Variants in BMERB1 observed in about 807,000 individuals in gnomAD.
BMERB1 encodes bMERB domain-containing protein 1.
A neutral mutation model predicts 23.6 loss-of-function variants in BMERB1; 12 were observed. That is an observed-to-expected ratio of 0.51 (90% CI 0.33 to 0.82). The LOEUF (loss-of-function observed/expected upper bound fraction) is 0.82. BMERB1 is among the 40% of genes least tolerant of loss of function. The pLI is 0.03. For missense variants in BMERB1, 247 were observed against 255.4 expected (o/e 0.97, Z 0.22); for synonymous variants, 122 against 96.6 (o/e 1.26, Z -1.54).
intron 1 of BMERB1, among the ~76,000 whole-genome samples, chr16:15,498,272 C>T (rs1007500514): frequency 6.6e-6 from 1 of 152,010 alleles, no homozygotes; most frequent in South Asian, 2.1e-4. Flanking sequence ...TGCAGTGGCT[C>T]ATGCTTGTAA....
In BMERB1 at chr16:15,494,570, C is replaced by T. The variant is rs187730489; in HGVS notation, c.107-20735C>T. ...AAGTCCCACCTGGGAACTGCAGTCC[C>T]AATCTGTGGCAAAGTCTTGTGAATA... On this transcript the variant is annotated intron_variant, in intron 1 of 5. Coordinates refer to ENST00000300006, the MANE Select transcript of BMERB1 (RefSeq NM_033201.3). Among the ~76,000 whole-genome samples, 595 of 152,228 alleles carry T rather than the reference C, an allele frequency of 3.9e-3. 1 individual carries two copies. Among genetic ancestry groups the T allele is most frequent in the Admixed American group, 6.3e-3 (96 of 15,284 alleles).
At chr16:15,518,337 C>T (rs1205940481) in intron 2 of BMERB1, among the ~76,000 whole-genome samples, 1 of 152,144 alleles carries the variant, frequency 6.6e-6, no homozygotes, top group Non-Finnish European at 1.5e-5. Context: ...CCCTTCCAGG[C>T]CCCCAGATGT....
rs1027034723 is a variant in BMERB1, at chr16:15,555,270, C to T, written c.231-12713C>T. On this transcript the variant is annotated intron_variant, in intron 2 of 5. Coordinates refer to ENST00000300006, the MANE Select transcript of BMERB1 (RefSeq NM_033201.3). The stretch of plus-strand genomic sequence containing the variant: ...TTTTTATTGTGTAGAGACAGAGTCT[C>T]GCTATGTTGCCTAGGCTAATCTCGA... 2.6e-5 allele frequency among the ~76,000 whole-genome samples: 4 copies of T among 152,082 alleles called. No individual in the cohort carries two copies. In the East Asian group the frequency reaches 5.8e-4, roughly 22 times the overall value.
intron 1 of BMERB1, among the ~76,000 whole-genome samples, chr16:15,436,213 T>A (rs2050886798): frequency 6.6e-6 from 1 of 151,838 alleles, no homozygotes; most frequent in African/African-American, 2.4e-5. Context: ...ACTCCTTTTT[T>A]AAAAAAGCCC....
intron 1 of BMERB1, among the ~76,000 whole-genome samples, chr16:15,484,890 G>C (rs1347860893): frequency 4.6e-5 from 7 of 152,196 alleles, no homozygotes; most frequent in Admixed American, 4.6e-4. Context: ...AGTAGTCACT[G>C]TACTTCAAGG....
At chr16:15,471,824 C>G (rs1212467840) in intron 1 of BMERB1, among the ~76,000 whole-genome samples, 1 of 152,064 alleles carries the variant, frequency 6.6e-6, no homozygotes, top group African/African-American at 2.4e-5. Flanking sequence ...GCAATTCTCC[C>G]ACCTCAGCCT....
intron 2 of BMERB1, among the ~76,000 whole-genome samples, chr16:15,561,690 C>G (rs993382253): frequency 1.3e-5 from 2 of 152,106 alleles, no homozygotes; most frequent in Admixed American, 6.5e-5. Flanking sequence ...GCTAGGAGTT[C>G]TAGACCATCT....
At chr16:15,469,022 C>T (rs543030394) in intron 1 of BMERB1, among the ~76,000 whole-genome samples, 73 of 149,146 alleles carry the variant, frequency 4.9e-4, no homozygotes, top group South Asian at 1.1e-3. Flanking sequence ...GGCTGGAGTC[C>T]GGTGGTGCAG....
intron 1 of BMERB1, among the ~76,000 whole-genome samples, chr16:15,481,343 G>A (rs1007106607): frequency 1.3e-5 from 2 of 152,082 alleles, no homozygotes; most frequent in Non-Finnish European, 2.9e-5. Flanking sequence ...TGGCTAACAC[G>A]GTGAAACCCC....
At chr16:15,496,188 GTGGTGA>G (rs568725890) in intron 1 of BMERB1, among the ~76,000 whole-genome samples, 2,100 of 152,090 alleles carry the variant, frequency 0.014, 56 homozygotes, top group African/African-American at 0.049. Flanking sequence ...GACAGTGATG[GTGGTGA>G]TAGTGATAGT....
intron 2 of BMERB1, among the ~76,000 whole-genome samples, chr16:15,527,671 A>G (rs1419309321): frequency 6.6e-6 from 1 of 152,174 alleles, no homozygotes; most frequent in African/African-American, 2.4e-5. Context: ...ACACATTTCT[A>G]AGGGGAAAAT....
At chr16:15,557,246 A>G (rs1457339470) in intron 2 of BMERB1, among the ~76,000 whole-genome samples, 1 of 152,172 alleles carries the variant, frequency 6.6e-6, no homozygotes, top group Non-Finnish European at 1.5e-5. Flanking sequence ...AACATTAATC[A>G]GGTTCTTGAA....
At chr16:15,535,843 A>C (rs543234172) in intron 2 of BMERB1, among the ~76,000 whole-genome samples, 1 of 152,250 alleles carries the variant, frequency 6.6e-6, no homozygotes, top group East Asian at 1.9e-4. Context: ...GGAAACTTAC[A>C]ATCATGGCAG....
At chr16:15,438,695 A>G (rs902497027) in intron 1 of BMERB1, among the ~76,000 whole-genome samples, 1 of 152,150 alleles carries the variant, frequency 6.6e-6, no homozygotes, top group African/African-American at 2.4e-5. Context: ...CCTGGCCTCA[A>G]GTGATCTGCC....
intron 2 of BMERB1, among the ~76,000 whole-genome samples, chr16:15,516,970 G>C (rs576221099): frequency 6.6e-6 from 1 of 152,222 alleles, no homozygotes; most frequent in Admixed American, 6.5e-5. Flanking sequence ...GACGTTATAT[G>C]ACCTTCCCTC....
At chr16:15,502,859 C>T (rs755440069) in intron 1 of BMERB1, among the ~76,000 whole-genome samples, 1 of 152,218 alleles carries the variant, frequency 6.6e-6, no homozygotes, top group East Asian at 1.9e-4. Flanking sequence ...AAGAGATGGT[C>T]CCCATGACCA....
At chr16:15,546,879 T>C (rs989725171) in intron 2 of BMERB1, among the ~76,000 whole-genome samples, 4 of 152,174 alleles carry the variant, frequency 2.6e-5, no homozygotes, top group Admixed American at 1.3e-4. Flanking sequence ...AAAACTTGTT[T>C]AATCCTAAAC....
chr16:15,477,711 C>T (rs184748849), intron 1 of BMERB1, among the ~76,000 whole-genome samples: 1 of 146,930 alleles, frequency 6.8e-6, no homozygotes, highest in East Asian at 1.9e-4. Flanking sequence ...TTTCTTAGAG[C>T]GTTTTTTTTT....
At chr16:15,577,595 T>G (rs2030898413) in intron 3 of BMERB1, among the ~76,000 whole-genome samples, 1 of 152,238 alleles carries the variant, frequency 6.6e-6, no homozygotes, top group African/African-American at 2.4e-5. Flanking sequence ...ATTTGAGAGA[T>G]CCAAGTGCAC....
Sources: allele counts gnomAD v4.1 joint callset (sites outside exome capture counted in the v4.1 genomes callset), GRCh38; gene constraint gnomAD v4.1.1; transcripts MANE v1.5; gene names NCBI Gene and HGNC (gene_info 2026-07-23, HGNC 2026-07-21).